The following B3GALT1 variants were observed in gnomAD, a reference collection of about 807,000 sequenced individuals.
The protein encoded by B3GALT1 is UDP-Gal:betaGlcNAc beta 1,3-galactosyltransferase, polypeptide 1.
A neutral mutation model predicts 23.2 loss-of-function variants in B3GALT1; 10 were observed. The observed-to-expected ratio is 0.43, with a 90% CI of 0.27 to 0.73. The LOEUF is 0.73. B3GALT1 is among the 30% of genes least tolerant of loss of function. The pLI, the probability that B3GALT1 is intolerant of heterozygous loss-of-function variation, is 0.21. For missense variants in B3GALT1, 299 were observed against 405.4 expected (o/e 0.74, Z 2.25); for synonymous variants, 156 against 141.5 (o/e 1.10, Z -0.73).
intron 3 of B3GALT1, among the ~76,000 whole-genome samples, chr2:167,776,544 G>A (rs968892043): frequency 3.9e-5 from 6 of 152,260 alleles, no homozygotes; most frequent in African/African-American, 4.8e-5. Context: ...CACTCAATAC[G>A]TTTACTTGAA....
At chr2:167,495,629 G>A (rs963914733) in intron 2 of B3GALT1, among the ~76,000 whole-genome samples, 6 of 152,126 alleles carry the variant, frequency 3.9e-5, no homozygotes, top group Admixed American at 1.3e-4. Context: ...CACCGTGCCC[G>A]GCTTTGCCAG....
At chr2:167,369,635 C>T (rs930208115) in intron 1 of B3GALT1, among the ~76,000 whole-genome samples, 3 of 152,118 alleles carry the variant, frequency 2.0e-5, no homozygotes, top group Admixed American at 6.5e-5. Context: ...TTTTAACCAT[C>T]CAGGCGTAGA....
chr2:167,512,624 GTA>G (rs202089193), intron 2 of B3GALT1, among the ~76,000 whole-genome samples: 1 of 49,666 alleles, frequency 2.0e-5, no homozygotes. Context: ...ATATATACGT[GTA>G]TATATATATA....
Position 167,383,551 on chromosome 2 carries a change from A to T in B3GALT1, c.-511+90217A>T, listed in dbSNP as rs1022717394. Among the ~76,000 whole-genome samples, 9 of 152,336 alleles carry T rather than the reference A, an allele frequency of 5.9e-5. No individual in the cohort carries two copies. In the East Asian group the frequency reaches 1.2e-3, roughly 20 times the overall value. On this transcript the variant is annotated intron_variant, in intron 1 of 4. Transcript: ENST00000392690. ...TCTGAATTTCTTTCCATCATAAAAA[A>T]TAACACATGATAGGAAAATAATTTC...
intron 1 of B3GALT1, among the ~76,000 whole-genome samples, chr2:167,482,673 C>T (rs1699575901): frequency 6.6e-6 from 1 of 152,106 alleles, no homozygotes; most frequent in African/African-American, 2.4e-5. Flanking sequence ...AACCCTGACT[C>T]TACTAAAAAT....
chr2:167,638,668 A>G (rs141819931), intron 2 of B3GALT1, among the ~76,000 whole-genome samples: 7 of 152,140 alleles, frequency 4.6e-5, no homozygotes, highest in African/African-American at 1.7e-4. Flanking sequence ...TGATAATAAC[A>G]CTGGATCTAT....
At chr2:167,634,862 A>G (rs1393294418) in intron 2 of B3GALT1, among the ~76,000 whole-genome samples, 1 of 152,178 alleles carries the variant, frequency 6.6e-6, no homozygotes, top group Non-Finnish European at 1.5e-5. Context: ...TGAGGCCAGC[A>G]TCCTGATACC....
intron 2 of B3GALT1, among the ~76,000 whole-genome samples, chr2:167,518,108 A>G (rs1170300050): frequency 6.6e-6 from 1 of 152,160 alleles, no homozygotes; most frequent in African/African-American, 2.4e-5. Flanking sequence ...CACAACTCAT[A>G]TCCTCATTCT....
chr2:167,403,939 G>T (rs191858426), intron 1 of B3GALT1, among the ~76,000 whole-genome samples: 4 of 152,228 alleles, frequency 2.6e-5, no homozygotes, highest in Admixed American at 2.6e-4. Context: ...ATAAATAAAA[G>T]GTTTCAGGTC....
intron 2 of B3GALT1, among the ~76,000 whole-genome samples, chr2:167,644,798 A>G (rs1685716406): frequency 7.1e-6 from 1 of 140,518 alleles, no homozygotes; most frequent in Non-Finnish European, 1.6e-5. Context: ...AAAAAAAAAA[A>G]AAAAAAGAAT....
chr2:167,691,240 A>G (rs1046090682), intron 3 of B3GALT1, among the ~76,000 whole-genome samples: 4 of 152,138 alleles, frequency 2.6e-5, no homozygotes, highest in Non-Finnish European at 5.9e-5. Flanking sequence ...TTCTGTATGC[A>G]TATGACCTTT....
intron 3 of B3GALT1, among the ~76,000 whole-genome samples, chr2:167,712,542 G>T (rs1225155792): frequency 6.6e-6 from 1 of 151,864 alleles, no homozygotes; most frequent in Non-Finnish European, 1.5e-5. Flanking sequence ...TGCTTGAAAT[G>T]CTTTAAGTAA....
intron 3 of B3GALT1, among the ~76,000 whole-genome samples, chr2:167,655,704 C>G (rs1685944538): frequency 6.6e-6 from 1 of 152,092 alleles, no homozygotes; most frequent in South Asian, 2.1e-4. Context: ...ATTCATTTCT[C>G]AGTTATACAT....
chr2:167,582,524 A>G (rs1684505386), intron 2 of B3GALT1, among the ~76,000 whole-genome samples: 1 of 152,226 alleles, frequency 6.6e-6, no homozygotes, highest in Non-Finnish European at 1.5e-5. Context: ...AGATAGTCCA[A>G]ACATAACCTG....
intron 1 of B3GALT1, among the ~76,000 whole-genome samples, chr2:167,362,789 A>G (rs1574049071): frequency 6.6e-6 from 1 of 152,356 alleles, no homozygotes; most frequent in East Asian, 1.9e-4. Flanking sequence ...TCTTAATCAT[A>G]GCAAGATGAA....
intron 2 of B3GALT1, among the ~76,000 whole-genome samples, chr2:167,492,602 A>G (rs1699726000): frequency 6.6e-6 from 1 of 152,198 alleles, no homozygotes; most frequent in African/African-American, 2.4e-5. Context: ...CAGCACTGAA[A>G]GAACCTTCCT....
intron 3 of B3GALT1, chr2:167,715,521 A>AT: frequency 1.2e-6 from 2 of 1,613,178 alleles, no homozygotes; most frequent in Non-Finnish European, 1.7e-6. Flanking sequence ...GATTTGAGGG[A>AT]TTTTGACTCA....
At chr2:167,794,369 A>G (rs1336616716) in intron 3 of B3GALT1, among the ~76,000 whole-genome samples, 2 of 152,134 alleles carry the variant, frequency 1.3e-5, no homozygotes, top group Admixed American at 1.3e-4. Flanking sequence ...GCTTTAGTTC[A>G]GGAAGTAAAA....
At chr2:167,646,241 C>T (rs146439025) in intron 2 of B3GALT1, among the ~76,000 whole-genome samples, 84 of 152,202 alleles carry the variant, frequency 5.5e-4, no homozygotes, top group African/African-American at 1.9e-3. Flanking sequence ...GGGAGCTGTT[C>T]TAAGTGAACC....
Sources: allele counts gnomAD v4.1 joint callset (sites outside exome capture counted in the v4.1 genomes callset), GRCh38; gene constraint gnomAD v4.1.1; transcripts MANE v1.5; gene names NCBI Gene and HGNC (gene_info 2026-07-23, HGNC 2026-07-21).